Variants in TENM3 observed in about 807,000 individuals in gnomAD.
TENM3 encodes the protein teneurin transmembrane protein 3.
Under a neutral mutation model 255.1 loss-of-function variants are expected in TENM3, and 63 were observed. That is an observed-to-expected ratio of 0.25 (90% CI 0.20 to 0.30). TENM3 has a LOEUF of 0.30. Among genes scored for constraint, TENM3 ranks in the 10% least tolerant of loss-of-function variants. TENM3 has a pLI of 1.00. For missense variants in TENM3, 2,929 were observed against 3,461.1 expected, an observed-to-expected ratio of 0.85 and a Z score of 3.86; for synonymous variants, 1,306 against 1,322.3, an observed-to-expected ratio of 0.99 and a Z score of 0.27.
the TENM3 span, among the ~76,000 whole-genome samples, chr4:181,630,784 T>C: frequency 1.3e-5 from 2 of 152,154 alleles, no homozygotes; most frequent in Admixed American, 6.6e-5. Flanking sequence ...AGAATAAGTG[T>C]GATGTGGTGC....
chr4:182,687,491 G>C (rs987595391), intron 11 of TENM3, among the ~76,000 whole-genome samples: 1 of 151,868 alleles, frequency 6.6e-6, no homozygotes, highest in East Asian at 1.9e-4. Context: ...GAAAAACCTT[G>C]TTTTTCAAAG....
At chr4:182,605,930 A>G (rs1297200821) in intron 4 of TENM3, among the ~76,000 whole-genome samples, 2 of 152,222 alleles carry the variant, frequency 1.3e-5, no homozygotes, top group Admixed American at 6.5e-5. Context: ...TTACCACACT[A>G]AGTTTTATTT....
the TENM3 span, among the ~76,000 whole-genome samples, chr4:182,114,322 T>C: frequency 2.4e-5 from 2 of 81,820 alleles, no homozygotes; most frequent in African/African-American, 3.5e-5. Flanking sequence ...GAATTTAGTC[T>C]GAGAATTTTT....
At chr4:182,226,627 GAGT>G in intron 1 of TENM3, among the ~76,000 whole-genome samples, 1 of 152,162 alleles carries the variant, frequency 6.6e-6, no homozygotes, top group Non-Finnish European at 1.5e-5. Context: ...TGGAGTGGCT[GAGT>G]CTCCAGCCTT....
chr4:181,660,104 T>C, the TENM3 span, among the ~76,000 whole-genome samples: 1 of 152,202 alleles, frequency 6.6e-6, no homozygotes, highest in Non-Finnish European at 1.5e-5. Context: ...ATGTAAGCTG[T>C]ATAAACATTT....
At chr4:181,667,035 C>T in the TENM3 span, among the ~76,000 whole-genome samples, 2 of 152,134 alleles carry the variant, frequency 1.3e-5, no homozygotes, top group Non-Finnish European at 2.9e-5. Context: ...CATTGTTATG[C>T]TTACAAACAA....
chr4:182,620,036 G>A (rs761008610), intron 4 of TENM3, among the ~76,000 whole-genome samples: 2 of 152,318 alleles, frequency 1.3e-5, no homozygotes, highest in Admixed American at 6.5e-5. Flanking sequence ...CAAACCTCAT[G>A]TGGATGCCAG....
chr4:181,780,330 T>G, the TENM3 span, among the ~76,000 whole-genome samples: 1 of 152,198 alleles, frequency 6.6e-6, no homozygotes, highest in Non-Finnish European at 1.5e-5. Flanking sequence ...ATTGCCATTC[T>G]AACTGGTGTG....
chr4:182,121,200 G>T, the TENM3 span, among the ~76,000 whole-genome samples: 1 of 151,920 alleles, frequency 6.6e-6, no homozygotes, highest in Non-Finnish European at 1.5e-5. Flanking sequence ...TTTTCACCAT[G>T]TTGGCCAGGC....
intron 3 of TENM3, among the ~76,000 whole-genome samples, chr4:182,485,786 G>T (rs111267429): frequency 2.6e-4 from 40 of 152,196 alleles, no homozygotes; most frequent in African/African-American, 9.4e-4. Context: ...TGCTGAGAAA[G>T]ACAGCATCCC....
chr4:182,689,673 T>C (rs1226855398), intron 12 of TENM3, among the ~76,000 whole-genome samples: 1 of 152,190 alleles, frequency 6.6e-6, no homozygotes, highest in Non-Finnish European at 1.5e-5. Context: ...TGTAGCATGC[T>C]CCTTTTCCCA....
chr4:182,785,665 A>C (rs1211949015), intron 24 of TENM3, among the ~76,000 whole-genome samples: 1 of 144,488 alleles, frequency 6.9e-6, no homozygotes, highest in Non-Finnish European at 1.5e-5. Context: ...CCAAGATCAC[A>C]CTATTGCTCT....
chr4:182,230,494 G>A (rs1395711129), intron 1 of TENM3, among the ~76,000 whole-genome samples: 1 of 152,002 alleles, frequency 6.6e-6, no homozygotes, highest in Non-Finnish European at 1.5e-5. Flanking sequence ...GTACTGTGTT[G>A]TAAACTCTTT....
chr4:181,928,829 C>A, the TENM3 span, among the ~76,000 whole-genome samples: 1 of 152,186 alleles, frequency 6.6e-6, no homozygotes, highest in Non-Finnish European at 1.5e-5. Flanking sequence ...AACAGTGGAT[C>A]TCTCTGCAGA....
the TENM3 span, among the ~76,000 whole-genome samples, chr4:181,605,763 G>C: frequency 6.6e-6 from 1 of 152,078 alleles, no homozygotes; most frequent in Non-Finnish European, 1.5e-5. Context: ...GGTATTTTTG[G>C]AACATTATTA....
chr4:182,664,332 G>T (rs191650598), intron 6 of TENM3, among the ~76,000 whole-genome samples: 1 of 152,106 alleles, frequency 6.6e-6, no homozygotes. Context: ...ATTGTTTTGG[G>T]GTGCCAGAAA....
At chr4:181,605,584 G>GAAAGAGAGAGA in the TENM3 span, among the ~76,000 whole-genome samples, 4 of 69,142 alleles carry the variant, frequency 5.8e-5, 1 homozygote, top group South Asian at 8.5e-4. Context: ...GAGAAAGAAA[G>GAAAGAGAGAGA]GAAAGAAAGA....
chr4:182,317,827 T>A (rs1030581119), intron 1 of TENM3, among the ~76,000 whole-genome samples: 20 of 152,264 alleles, frequency 1.3e-4, no homozygotes, highest in African/African-American at 3.4e-4. Context: ...AGCAATTGAT[T>A]TCCTCAATTA....
intron 1 of TENM3, among the ~76,000 whole-genome samples, chr4:182,274,211 A>G (rs1759839658): frequency 6.6e-6 from 1 of 152,240 alleles, no homozygotes; most frequent in Non-Finnish European, 1.5e-5. Flanking sequence ...GAGCTGGTGG[A>G]TAGGTAATTC....
Sources: allele counts gnomAD v4.1 joint callset (sites outside exome capture counted in the v4.1 genomes callset), GRCh38; gene constraint gnomAD v4.1.1; transcripts MANE v1.5; gene names NCBI Gene and HGNC (gene_info 2026-07-23, HGNC 2026-07-21).